EPHA4: variants seen among roughly 807,000 people sequenced by gnomAD.
EPHA4 encodes ephrin type-A receptor 4.
In EPHA4, 19 loss-of-function variants were observed where a neutral mutation model predicts 108.3. The ratio of observed to expected loss-of-function variants is 0.18; its 90% confidence interval spans 0.12 to 0.26. The LOEUF is 0.26. Ranked by LOEUF, EPHA4 falls within the 10% of genes least tolerant of loss-of-function variation. The pLI, the probability that EPHA4 is intolerant of heterozygous loss-of-function variation, is 1.00. For missense variants in EPHA4, 917 were observed against 1,254.0 expected, an observed-to-expected ratio of 0.73 and a Z score of 4.06; for synonymous variants, 449 against 455.5, an observed-to-expected ratio of 0.99 and a Z score of 0.18.
At chr2:221,426,653 G>C (rs748616339) in intron 15 of EPHA4, 34 bp from the exon 16 acceptor site, 2 of 1,584,826 alleles carry the variant, frequency 1.3e-6, no homozygotes, top group Admixed American at 3.7e-5. Flanking sequence ...AAGCAGAACG[G>C]AGCTACCAGT....
intron 3 of EPHA4, among the ~76,000 whole-genome samples, chr2:221,535,336 A>G (rs755033703): frequency 2.0e-5 from 3 of 152,222 alleles, no homozygotes; most frequent in Admixed American, 6.5e-5. Flanking sequence ...ATTCTAAGGT[A>G]TAAACTCATT....
At chr2:221,434,437 G>T (rs1036350498) in intron 13 of EPHA4, 146 bp from the exon 14 acceptor site, 1 of 806,402 alleles carries the variant, frequency 1.2e-6, no homozygotes. Flanking sequence ...TCATTTTAAC[G>T]CAAGTCTTCC....
At chr2:221,499,720 A>G (rs1310201084) in intron 4 of EPHA4, among the ~76,000 whole-genome samples, 1 of 44,336 alleles carries the variant, frequency 2.3e-5, no homozygotes, top group African/African-American at 1.0e-4. Flanking sequence ...AAACTAATAT[A>G]TATATATATA....
At chr2:221,514,103 T>G (rs1692921709) in intron 3 of EPHA4, among the ~76,000 whole-genome samples, 1 of 151,322 alleles carries the variant, frequency 6.6e-6, no homozygotes, top group African/African-American at 2.4e-5. Context: ...GGAGGGGGTT[T>G]GAAAATCTAC....
chr2:221,496,972 A>G (rs986700928), intron 4 of EPHA4, among the ~76,000 whole-genome samples: 1 of 152,078 alleles, frequency 6.6e-6, no homozygotes, highest in African/African-American at 2.4e-5. Flanking sequence ...AAATTAACAG[A>G]CTGATTTTTG....
chr2:221,496,456 G>A (rs1692299267), intron 4 of EPHA4, among the ~76,000 whole-genome samples: 1 of 152,198 alleles, frequency 6.6e-6, no homozygotes, highest in Admixed American at 6.5e-5. Flanking sequence ...TCGAAAGGAA[G>A]AGCCATAGGC....
chr2:221,528,870 G>T (rs566038542), intron 3 of EPHA4, among the ~76,000 whole-genome samples: 2 of 152,150 alleles, frequency 1.3e-5, no homozygotes, highest in Admixed American at 1.3e-4. Flanking sequence ...ACAACTAAAG[G>T]CATGCTCTTA....
chr2:221,528,980 AAAC>A (rs538267906), intron 3 of EPHA4, among the ~76,000 whole-genome samples: 216 of 152,212 alleles, frequency 1.4e-3, no homozygotes, highest in African/African-American at 4.5e-3. Flanking sequence ...AAACAAAACA[AAAC>A]AACAACAACA....
At position 221,482,714 on chromosome 2, in the gene EPHA4, C is replaced by T. The variant is rs763615359; in HGVS notation, c.980-24G>A. 4 of 1,558,950 alleles carry T rather than the reference C, an allele frequency of 2.6e-6. No homozygotes were observed. In the South Asian group the frequency reaches 4.7e-5, roughly 18 times the overall value. On this transcript the variant is annotated intron_variant, in intron 4 of 17. Coordinates refer to ENST00000281821, the MANE Select transcript of EPHA4 (RefSeq NM_004438.5). ...ACCTGGAGAAAGAAAACCACATCAT[C>T]ACACCAAGAACCGAAATACCCTTTT...
At chr2:221,515,671 G>T (rs1441892421) in intron 3 of EPHA4, among the ~76,000 whole-genome samples, 1 of 152,028 alleles carries the variant, frequency 6.6e-6, no homozygotes. Flanking sequence ...TTAAAAATTA[G>T]CTGGGCATAG....
At chr2:221,545,272 T>A (rs1037391439) in intron 3 of EPHA4, among the ~76,000 whole-genome samples, 2 of 152,086 alleles carry the variant, frequency 1.3e-5, no homozygotes, top group African/African-American at 4.8e-5. Flanking sequence ...GATCGAGACC[T>A]TCCTGGCTAA....
At chr2:221,496,442 G>A (rs1304253857) in intron 4 of EPHA4, among the ~76,000 whole-genome samples, 2 of 152,190 alleles carry the variant, frequency 1.3e-5, no homozygotes, top group African/African-American at 4.8e-5. Context: ...TAGGAAGGGA[G>A]ATGTCGAAAG....
At chr2:221,518,932 C>A (rs1173052670) in intron 3 of EPHA4, among the ~76,000 whole-genome samples, 1 of 152,040 alleles carries the variant, frequency 6.6e-6, no homozygotes, top group African/African-American at 2.4e-5. Flanking sequence ...AAATATGAAA[C>A]CAGAGAGCAG....
chr2:221,452,608 A>G (rs1455260327), intron 8 of EPHA4, among the ~76,000 whole-genome samples: 3 of 152,228 alleles, frequency 2.0e-5, no homozygotes, highest in Admixed American at 6.5e-5. Context: ...GCCGACACTA[A>G]AGAAGAATCA....
intron 3 of EPHA4, among the ~76,000 whole-genome samples, chr2:221,529,729 A>G (rs1213465840): frequency 1.3e-5 from 2 of 152,222 alleles, no homozygotes; most frequent in African/African-American, 2.4e-5. Context: ...CTTTCTGCAA[A>G]GTTGCTGACA....
At chr2:221,439,913 C>A (rs35517017) in intron 11 of EPHA4, among the ~76,000 whole-genome samples, 36,539 of 152,002 alleles carry the variant, frequency 0.24, 5,444 homozygotes, top group Non-Finnish European at 0.33. Context: ...TGAATTCACA[C>A]GCTTCCACTC....
At chr2:221,436,292 G>A (rs1253145980) in intron 13 of EPHA4, 107 bp downstream of exon 13, 3 of 1,031,206 alleles carry the variant, frequency 2.9e-6, no homozygotes, top group Admixed American at 2.7e-5. Context: ...TTCAAGGGAT[G>A]AGAAAACTTA....
intron 11 of EPHA4, 61 bp downstream of exon 11, chr2:221,442,768 A>G: frequency 6.4e-7 from 1 of 1,558,620 alleles, no homozygotes. Context: ...TGGAAAGAAA[A>G]TGTGTGTTTA....
intron 3 of EPHA4, among the ~76,000 whole-genome samples, chr2:221,552,343 G>A (rs1487552941): frequency 6.6e-6 from 1 of 152,174 alleles, no homozygotes; most frequent in Non-Finnish European, 1.5e-5. Context: ...AACGGCTAAA[G>A]CTTTCCTGAA....
Sources: gnomAD v4.1 joint callset for allele counts (sites outside exome capture counted in the v4.1 genomes callset) on GRCh38, gnomAD v4.1.1 for gene constraint, MANE v1.5 for transcripts, NCBI Gene and HGNC (gene_info 2026-07-23, HGNC 2026-07-21) for gene names.